The following CEP295 variants were observed in gnomAD, a reference collection of about 807,000 sequenced individuals.
CEP295 encodes centrosomal protein 295, also known as centrosomal protein of 295 kDa.
In CEP295, 190 loss-of-function variants were observed where a neutral mutation model predicts 291.6. That is an observed-to-expected ratio of 0.65 (90% confidence interval 0.58 to 0.73). The LOEUF is 0.73. CEP295 is among the 30% of genes least tolerant of loss of function. The pLI is 0.00. For missense variants in CEP295, 2,863 were observed against 2,949.4 expected, an observed-to-expected ratio of 0.97 and a Z score of 0.68; for synonymous variants, 993 against 1,038.8, an observed-to-expected ratio of 0.96 and a Z score of 0.85.
At chr11:93,673,108 T>G (rs562269075) in intron 5 of CEP295, among the ~76,000 whole-genome samples, 1 of 152,304 alleles carries the variant, frequency 6.6e-6, no homozygotes, top group South Asian at 2.1e-4. Context: ...TGTACTACCA[T>G]CTCTGAATTT....
chr11:93,721,031 C>CTAGGTTTTAGA (rs1213686913), intron 18 of CEP295, among the ~76,000 whole-genome samples: 2 of 152,150 alleles, frequency 1.3e-5, no homozygotes, highest in Non-Finnish European at 2.9e-5. Context: ...TGGTTCTTTT[C>CTAGGTTTTAGA]TAGGTTTTAG....
intron 10 of CEP295, among the ~76,000 whole-genome samples, chr11:93,690,063 G>C (rs1473856784): frequency 6.6e-6 from 1 of 152,126 alleles, no homozygotes; most frequent in Non-Finnish European, 1.5e-5. Flanking sequence ...GGAGAATATG[G>C]TGTTGAAGTC....
chr11:93,668,501 C>A (rs1009344952), intron 3 of CEP295, among the ~76,000 whole-genome samples: 4 of 152,090 alleles, frequency 2.6e-5, no homozygotes, highest in Admixed American at 6.6e-5. Flanking sequence ...ACAATTTTTG[C>A]CCTGACTGGG....
chr11:93,711,613 C>T (rs1227851650), intron 18 of CEP295, among the ~76,000 whole-genome samples: 1 of 152,204 alleles, frequency 6.6e-6, no homozygotes, highest in Non-Finnish European at 1.5e-5. Context: ...AGCAATTCTT[C>T]TGCCTCAGCC....
intron 17 of CEP295, among the ~76,000 whole-genome samples, chr11:93,704,005 G>A (rs1952360269): frequency 6.6e-6 from 1 of 151,896 alleles, no homozygotes; most frequent in Admixed American, 6.6e-5. Context: ...TCCTGACCTT[G>A]TGATCCGCCC....
At chr11:93,703,012 G>A (rs1390406731) in intron 17 of CEP295, 93 bp downstream of exon 17, 1 of 1,002,920 alleles carries the variant, frequency 1.0e-6, no homozygotes, top group Admixed American at 2.6e-5. Flanking sequence ...TGCCCAGGCT[G>A]GAATGCAATG....
At chr11:93,719,612 G>T (rs937443635) in intron 18 of CEP295, 1 of 151,848 alleles carries the variant, frequency 6.6e-6, no homozygotes. Flanking sequence ...CTCCTGGTCC[G>T]AATGTAATGA....
At chr11:93,702,675 T>G (rs1266726589) in intron 16 of CEP295, 38 bp downstream of exon 16, 1 of 1,531,324 alleles carries the variant, frequency 6.5e-7, no homozygotes, top group African/African-American at 1.4e-5. Context: ...ATTTCACTGA[T>G]TATTCCTTGT....
intron 18 of CEP295, among the ~76,000 whole-genome samples, chr11:93,720,726 A>G (rs919136461): frequency 6.6e-6 from 1 of 152,004 alleles, no homozygotes; most frequent in Non-Finnish European, 1.5e-5. Flanking sequence ...TCTCCTGAGT[A>G]GCTGCGACTA....
intron 19 of CEP295, chr11:93,721,707 CAT>C (rs759485480): frequency 5.8e-6 from 4 of 685,780 alleles, no homozygotes; most frequent in Non-Finnish European, 8.1e-6. Flanking sequence ...TGTGTACGCA[CAT>C]GTGTTTATAA....
chr11:93,706,550 G>C (rs562547596), intron 17 of CEP295, among the ~76,000 whole-genome samples, 195 bp from the exon 18 acceptor site: 1 of 152,252 alleles, frequency 6.6e-6, no homozygotes, highest in African/African-American at 2.4e-5. Context: ...GATGTGGTGA[G>C]GTAGCAGCAT....
chr11:93,703,113 G>C (rs1032360103), intron 17 of CEP295, among the ~76,000 whole-genome samples, 194 bp downstream of exon 17: 1 of 151,902 alleles, frequency 6.6e-6, no homozygotes, highest in Admixed American at 6.6e-5. Flanking sequence ...ACAGGCGCCC[G>C]CCACCACACC....
At chr11:93,712,116 A>G (rs1027070116) in intron 18 of CEP295, among the ~76,000 whole-genome samples, 1 of 151,806 alleles carries the variant, frequency 6.6e-6, no homozygotes, top group Non-Finnish European at 1.5e-5. Flanking sequence ...TATTTGCCTT[A>G]TATGTCTGGA....
chr11:93,692,140 T>G (rs1951589190), intron 12 of CEP295, 110 bp downstream of exon 12: 1 of 636,888 alleles, frequency 1.6e-6, no homozygotes. Context: ...TGATATCATG[T>G]TTTTGACATT....
Position 93,725,682 on chromosome 11 carries a change from C to A in CEP295, c.6350C>A (p.Ala2117Asp). Residue 2117 changes from alanine (A) to aspartate (D), a missense_variant, in exon 23 of 30, where the codon GCT becomes GAT. Ala to Asp is a moderately radical substitution (Grantham distance 126, BLOSUM62 -2). This residue lies in a region of CEP295 where 2,295 missense variants were observed against 2,335.7 expected (regional missense o/e 0.98). Transcript: ENST00000325212. ...GATTCTTCATCTGAAAGCCACTGTG[C>A]TACTGGATTATCCAAAAGTACAGTT... ...RSDSSSESHC[A>D]TGLSKSTVYF... 6.5e-7 allele frequency: 1 copy of A among 1,550,306 alleles called. No individual in the cohort carries two copies. The highest frequency in any genetic ancestry group is 2.4e-5 in the East Asian group (1 of 40,880).
rs1165741895 is a variant in CEP295 at position 93,697,164 on chromosome 11, T to C, written c.2252T>C (p.Ile751Thr). ...CTAATATCACAGGATGCTAGAAAAA[T>C]ATCTGAAACATTTGGGGCAACAACT... Reference protein sequence around the residue: ...RQLISQDARKISETFGATTFQ... With the variant: ...RQLISQDARKTSETFGATTFQ... Residue 751 changes from isoleucine to threonine, a missense_variant, in exon 15 of 30, where the codon ATA (isoleucine) becomes ACA (threonine). Coordinates refer to ENST00000325212, the MANE Select transcript of CEP295 (RefSeq NM_033395.2). 1 of 1,551,852 alleles carries C rather than the reference T, an allele frequency of 6.4e-7. No homozygotes were observed. Among genetic ancestry groups the C allele is most frequent in the Non-Finnish European group, 8.7e-7 (1 of 1,147,042 alleles).
Position 93,729,966 on chromosome 11 carries a change from T to C in CEP295, c.7664T>C (p.Leu2555Pro). The change falls in exon 28 of 30, where the codon CTA (leucine) becomes CCA (proline). Residue 2555 changes from leucine (L) to proline (P), a missense_variant. Around this residue, in one of 3 missense-constraint regions of CEP295, gnomAD observed 2,295 missense variants for 2,335.7 expected, o/e 0.98. Coordinates refer to ENST00000325212, the MANE Select transcript of CEP295 (RefSeq NM_033395.2). Reference sequence around the variant, plus strand: ...CAGGCTCTAAGGCACCAAAGGGGTCTAAGGTAGGGTTAATTTTTTTTTTTT... The same window carrying C: ...CAGGCTCTAAGGCACCAAAGGGGTCCAAGGTAGGGTTAATTTTTTTTTTTT... ...TTQALRHQRG[L>P]RLYNQLAEVK... 2 of 1,519,886 alleles carry C rather than the reference T, an allele frequency of 1.3e-6. No homozygotes were observed. Among genetic ancestry groups the C allele is most frequent in the Non-Finnish European group, 1.8e-6 (2 of 1,138,130 alleles). 94.1% of individuals were successfully genotyped at this position (1,519,886 alleles called of 1,614,324 possible).
Position 93,661,716 on chromosome 11 carries a change from G to A in CEP295, c.-85G>A, listed in dbSNP as rs934408280. The A allele has an allele frequency of 6.5e-6, 1 of 152,764 alleles. No individual in the cohort carries two copies. Among genetic ancestry groups the A allele is most frequent in the African/African-American group, 2.4e-5 (1 of 41,468 alleles). 9.5% of individuals were successfully genotyped at this position (152,764 alleles called of 1,614,324 possible). A position where few individuals can be genotyped will look rare whatever the true frequency, so the allele number is the denominator to read the frequency against. Reference sequence around the variant, plus strand: ...GCTGCTGGGCAGCTGATGGGCAGGAGCTTACCAGGCTGGCTTGCTCTGAGC... The same window carrying A: ...GCTGCTGGGCAGCTGATGGGCAGGAACTTACCAGGCTGGCTTGCTCTGAGC... On this transcript the variant is annotated 5_prime_UTR_variant, in exon 1 of 30. Transcript: ENST00000325212.
intron 10 of CEP295, among the ~76,000 whole-genome samples, chr11:93,689,636 C>G (rs1364180173): frequency 2.0e-5 from 3 of 152,116 alleles, no homozygotes; most frequent in African/African-American, 7.2e-5. Flanking sequence ...CCTTTTACTT[C>G]CTATCCCCTT....
Sources: gnomAD v4.1 joint callset for allele counts (sites outside exome capture counted in the v4.1 genomes callset) on GRCh38, gnomAD v4.1.1 for gene constraint, gnomAD v4.1.1 regional missense constraint, MANE v1.5 for transcripts, NCBI Gene and HGNC (gene_info 2026-07-23, HGNC 2026-07-21) for gene names.